Variants in AMPD3 observed in about 807,000 individuals in gnomAD.
AMPD3 encodes adenosine monophosphate deaminase 3.
A neutral mutation model predicts 82.3 loss-of-function variants in AMPD3; 57 were observed. That is an observed-to-expected ratio of 0.69 (90% CI 0.56 to 0.86). The LOEUF is 0.86. Ranked by LOEUF, AMPD3 falls within the 40% of genes least tolerant of loss-of-function variation. The pLI is 0.00. For synonymous variants in AMPD3, 381 were observed against 394.7 expected (o/e 0.97, Z 0.41); for missense variants, 870 against 1,003.8 (o/e 0.87, Z 1.80).
At chr11:10,451,047 A>C, upstream of AMPD3, 1 of 1,577,680 alleles carries the variant, frequency 6.3e-7, no homozygotes, top group Non-Finnish European at 8.6e-7. Context: ...GAACCCGGTG[A>C]GTGCGCGCGA....
chr11:10,489,217 G>T (rs1304842478), intron 6 of AMPD3, among the ~76,000 whole-genome samples: 1 of 152,162 alleles, frequency 6.6e-6, no homozygotes. Flanking sequence ...ACTCCTCTCA[G>T]CCCTGCCCAA....
At chr11:10,477,377 C>T (rs1422265077) in intron 2 of AMPD3, among the ~76,000 whole-genome samples, 2 of 152,076 alleles carry the variant, frequency 1.3e-5, no homozygotes, top group African/African-American at 4.8e-5. Context: ...GGGATGGCAC[C>T]GTGGGGAGGC....
intron 1 of AMPD3, chr11:10,455,857 T>C: frequency 1.0e-6 from 1 of 970,002 alleles, no homozygotes; most frequent in Non-Finnish European, 1.2e-6. Context: ...CAGGTCGGGC[T>C]GTACCTGAGA....
intron 4 of AMPD3, chr11:10,484,487 C>T (rs1362069589): frequency 4.1e-6 from 4 of 985,158 alleles, no homozygotes; most frequent in Non-Finnish European, 4.8e-6. Flanking sequence ...AAGCCCATTT[C>T]AGTTAAATTT....
chr11:10,503,754 A>G (rs1849640331), intron 13 of AMPD3, among the ~76,000 whole-genome samples: 1 of 152,208 alleles, frequency 6.6e-6, no homozygotes. Context: ...TCTTAATGGA[A>G]GTCAGCAGGA....
At chr11:10,461,427 G>A (rs768905591) in intron 1 of AMPD3, 88 bp from the exon 2 acceptor site, 13 of 1,607,146 alleles carry the variant, frequency 8.1e-6, no homozygotes, top group African/African-American at 5.3e-5. Context: ...AGTACCAGGT[G>A]GGCCTGGCCC....
intron 11 of AMPD3, 57 bp downstream of exon 11, chr11:10,500,306 T>C: frequency 1.3e-6 from 2 of 1,560,174 alleles, no homozygotes; most frequent in South Asian, 1.1e-5. Context: ...CATGCACGCA[T>C]GCACACACAT....
At chr11:10,499,521 T>C (rs1412919998) in intron 10 of AMPD3, among the ~76,000 whole-genome samples, 1 of 152,128 alleles carries the variant, frequency 6.6e-6, no homozygotes, top group Non-Finnish European at 1.5e-5. Flanking sequence ...TGGCCAAACC[T>C]GGTTTCTTGA....
At chr11:10,481,823 A>G in intron 3 of AMPD3, 1 of 566,810 alleles carries the variant, frequency 1.8e-6, no homozygotes, top group South Asian at 1.9e-5. Context: ...ACATGTCTGC[A>G]TAGCACATCT....
At chr11:10,479,751 A>T in intron 3 of AMPD3, 1 of 290,798 alleles carries the variant, frequency 3.4e-6, no homozygotes, top group Non-Finnish European at 5.1e-6. Context: ...TGCATTTTCC[A>T]CTTAACAATA....
chr11:10,469,984 G>A (rs1848539996), intron 2 of AMPD3, among the ~76,000 whole-genome samples: 1 of 149,892 alleles, frequency 6.7e-6, no homozygotes, highest in Admixed American at 6.6e-5. Flanking sequence ...AGCTTGCAGT[G>A]AGCCGAGATC....
At chr11:10,501,391 G>T (rs1345814204) in intron 11 of AMPD3, 79 bp from the exon 12 acceptor site, 2 of 1,585,268 alleles carry the variant, frequency 1.3e-6, no homozygotes, top group Non-Finnish European at 1.7e-6. Flanking sequence ...CCCGGAGCTG[G>T]CCCTGAGCTG....
chr11:10,492,810 A>G (rs951229941), intron 6 of AMPD3, among the ~76,000 whole-genome samples: 1 of 152,044 alleles, frequency 6.6e-6, no homozygotes, highest in Non-Finnish European at 1.5e-5. Flanking sequence ...TTGGAGGAAC[A>G]AGGTTGGCTC....
upstream of AMPD3, among the ~76,000 whole-genome samples, chr11:10,451,504 G>GT (rs1847962805): frequency 6.6e-6 from 1 of 152,208 alleles, no homozygotes; most frequent in Non-Finnish European, 1.5e-5. Context: ...CAAGGGAGGT[G>GT]TACAGCCTTG....
intron 2 of AMPD3, among the ~76,000 whole-genome samples, chr11:10,462,657 G>A (rs1372190948): frequency 2.0e-5 from 3 of 152,176 alleles, no homozygotes; most frequent in African/African-American, 7.2e-5. Flanking sequence ...ATGGATCTGA[G>A]GGCAAACAGG....
chr11:10,488,206 A>G (rs1244737800), intron 6 of AMPD3: 1 of 985,346 alleles, frequency 1.0e-6, no homozygotes, highest in Non-Finnish European at 1.2e-6. Context: ...CGAAGGTTAA[A>G]TGATCATGGC....
chr11:10,499,663 G>A, intron 10 of AMPD3: 1 of 985,386 alleles, frequency 1.0e-6, no homozygotes, highest in South Asian at 4.7e-5. Context: ...AGGGCTTGAT[G>A]AGTGATGTGT....
At chr11:10,502,360 G>C (rs1288400058) in intron 12 of AMPD3, 16 of 985,342 alleles carry the variant, frequency 1.6e-5, no homozygotes, top group Non-Finnish European at 1.8e-5. Flanking sequence ...AACAGCTAGA[G>C]GGGGGCATCT....
intron 11 of AMPD3, 90 bp from the exon 12 acceptor site, chr11:10,501,380 C>A: frequency 1.9e-6 from 3 of 1,563,180 alleles, no homozygotes; most frequent in East Asian, 4.6e-5. Context: ...TGGTCATTCC[C>A]CCCGGAGCTG....
Sources: allele counts gnomAD v4.1 joint callset (sites outside exome capture counted in the v4.1 genomes callset), GRCh38; gene constraint gnomAD v4.1.1; transcripts MANE v1.5; gene names NCBI Gene and HGNC (gene_info 2026-07-23, HGNC 2026-07-21).